Variants in ZDHHC17 observed in about 807,000 individuals in gnomAD.
The protein encoded by ZDHHC17 is palmitoyltransferase ZDHHC17.
Under a neutral mutation model 90.3 loss-of-function variants are expected in ZDHHC17, and 40 were observed. The observed-to-expected ratio is 0.44, with a 90% CI of 0.34 to 0.58. The LOEUF is 0.58. ZDHHC17 is among the 20% of genes least tolerant of loss of function. ZDHHC17 has a pLI of 0.01. For missense variants in ZDHHC17, 614 were observed against 780.8 expected (o/e 0.79, Z 2.55); for synonymous variants, 235 against 252.4 (o/e 0.93, Z 0.65).
Position 76,769,257 on chromosome 12 carries a change from A to G in ZDHHC17, c.93+4928A>G, listed in dbSNP as rs12371945. 134 of 167,390 alleles carry G rather than the reference A, an allele frequency of 8.0e-4. 1 individual carries two copies. Among genetic ancestry groups the G allele is most frequent in the Non-Finnish European group, 1.5e-3 (112 of 76,216 alleles). 10.4% of individuals were successfully genotyped at this position (167,390 alleles called of 1,614,324 possible). A position where few individuals can be genotyped will look rare whatever the true frequency, so the allele number is the denominator to read the frequency against. On this transcript the variant is annotated intron_variant, in intron 1 of 16. Transcript: ENST00000426126. ...GTATTTCTAGTAGAGATGGGGTTTC[A>G]CCATGTTGGCCAGGCTGGTCTGGAA...
intron 5 of ZDHHC17, chr12:76,813,595 G>T (rs1170406844): frequency 8.1e-6 from 2 of 246,982 alleles, no homozygotes; most frequent in Non-Finnish European, 1.6e-5. Context: ...GAGAACTGAT[G>T]CATAGAGATA....
chr12:76,849,123 A>T (rs1335947845), intron 15 of ZDHHC17, among the ~76,000 whole-genome samples: 5 of 146,866 alleles, frequency 3.4e-5, no homozygotes, highest in African/African-American at 1.2e-4. Flanking sequence ...ATCTCTAAAA[A>T]AAAAAAAAAA....
intron 1 of ZDHHC17, among the ~76,000 whole-genome samples, chr12:76,775,579 T>G (rs1389646907): frequency 1.3e-5 from 2 of 152,168 alleles, no homozygotes; most frequent in Non-Finnish European, 2.9e-5. Flanking sequence ...TTAGTAGAAG[T>G]AAAAATTTGA....
At chr12:76,776,219 A>G (rs572815234) in intron 1 of ZDHHC17, among the ~76,000 whole-genome samples, 5 of 152,304 alleles carry the variant, frequency 3.3e-5, no homozygotes, top group Admixed American at 2.0e-4. Flanking sequence ...GATTTATTCT[A>G]TACTGTTGAA....
At chr12:76,801,166 G>A (rs572070895) in intron 2 of ZDHHC17, among the ~76,000 whole-genome samples, 29 of 150,864 alleles carry the variant, frequency 1.9e-4, no homozygotes, top group African/African-American at 6.3e-4. Context: ...GATTACAGGC[G>A]AGAGCCACCG....
At chr12:76,778,383 C>A (rs554232928) in intron 1 of ZDHHC17, among the ~76,000 whole-genome samples, 1 of 152,102 alleles carries the variant, frequency 6.6e-6, no homozygotes, top group Non-Finnish European at 1.5e-5. Flanking sequence ...CCACACCCAG[C>A]GAATTTTTTT....
chr12:76,822,813 C>T (rs527986674), intron 8 of ZDHHC17, among the ~76,000 whole-genome samples: 8 of 152,128 alleles, frequency 5.3e-5, no homozygotes, highest in African/African-American at 1.9e-4. Context: ...GATACTCCCA[C>T]CTCGGCCTCC....
chr12:76,788,635 T>C (rs1446809508), intron 1 of ZDHHC17, among the ~76,000 whole-genome samples: 1 of 148,702 alleles, frequency 6.7e-6, no homozygotes. Context: ...TATGAACAGG[T>C]AATTCCCAAA....
chr12:76,768,812 CAG>C (rs1443357674), intron 1 of ZDHHC17, among the ~76,000 whole-genome samples: 1 of 152,188 alleles, frequency 6.6e-6, no homozygotes, highest in East Asian at 1.9e-4. Flanking sequence ...CCATCTGACT[CAG>C]AGCTTTGAAC....
intron 1 of ZDHHC17, among the ~76,000 whole-genome samples, chr12:76,769,696 A>G (rs1306120788): frequency 6.6e-6 from 1 of 152,204 alleles, no homozygotes; most frequent in Non-Finnish European, 1.5e-5. Flanking sequence ...AGTAACTACT[A>G]TGCTTAGTAT....
intron 1 of ZDHHC17, among the ~76,000 whole-genome samples, chr12:76,765,621 C>G (rs957577443): frequency 6.6e-6 from 1 of 152,204 alleles, no homozygotes; most frequent in African/African-American, 2.4e-5. Flanking sequence ...CAGATGTTGC[C>G]TTGAAAATGT....
rs890713048 is a variant in ZDHHC17, at chr12:76,852,531, C to T, written c.*1546C>T. On this transcript the variant is annotated 3_prime_UTR_variant, in exon 17 of 17. Coordinates refer to ENST00000426126, the MANE Select transcript of ZDHHC17 (RefSeq NM_015336.4). Reference sequence around the variant, plus strand: ...ATAGGCATTATACCCTGCAAGTTCACTGCATGTCTGATGCTTGGTAAAACT... The same window carrying T: ...ATAGGCATTATACCCTGCAAGTTCATTGCATGTCTGATGCTTGGTAAAACT... The T allele has an allele frequency of 6.6e-6, 1 of 152,608 alleles. No homozygotes were observed. The highest frequency in any genetic ancestry group is 1.5e-5 in the Non-Finnish European group (1 of 68,046). 9.5% of individuals were successfully genotyped at this position (152,608 alleles called of 1,614,324 possible).
intron 10 of ZDHHC17, among the ~76,000 whole-genome samples, chr12:76,837,814 A>G (rs1953386813): frequency 6.6e-6 from 1 of 151,756 alleles, no homozygotes; most frequent in Non-Finnish European, 1.5e-5. Context: ...ACTCTTTATT[A>G]TTATCATTAT....
chr12:76,781,983 G>T (rs1355520959), intron 1 of ZDHHC17, among the ~76,000 whole-genome samples: 5 of 152,176 alleles, frequency 3.3e-5, no homozygotes, highest in African/African-American at 9.7e-5. Flanking sequence ...GGAGCCTAAA[G>T]CTAAGGATAG....
chr12:76,813,418 A>T (rs1195627641), intron 5 of ZDHHC17: 9 of 441,842 alleles, frequency 2.0e-5, no homozygotes, highest in South Asian at 1.5e-4. Flanking sequence ...TTTGTAATGG[A>T]TAAGGCATAA....
chr12:76,847,630 G>A (rs1953511001), intron 14 of ZDHHC17, among the ~76,000 whole-genome samples: 1 of 152,178 alleles, frequency 6.6e-6, no homozygotes, highest in Admixed American at 6.5e-5. Flanking sequence ...GAGGCAGGTG[G>A]GCCAGTTGAG....
intron 8 of ZDHHC17, among the ~76,000 whole-genome samples, chr12:76,824,503 G>A (rs1040003871): frequency 2.0e-5 from 3 of 151,954 alleles, no homozygotes; most frequent in Non-Finnish European, 4.4e-5. Context: ...AAAAGTTTCA[G>A]TCATTAACAT....
At chr12:76,802,193 C>T (rs1224724879) in intron 2 of ZDHHC17, among the ~76,000 whole-genome samples, 2 of 152,206 alleles carry the variant, frequency 1.3e-5, no homozygotes, top group Non-Finnish European at 2.9e-5. Context: ...TTCTTCCCCT[C>T]TTTTGAAGGA....
chr12:76,811,612 G>T (rs1290445654), intron 5 of ZDHHC17, among the ~76,000 whole-genome samples: 2 of 148,918 alleles, frequency 1.3e-5, no homozygotes, highest in African/African-American at 4.9e-5. Context: ...CTGAGAAATA[G>T]TTTTTTTTTT....
Sources: gnomAD v4.1 joint callset for allele counts (sites outside exome capture counted in the v4.1 genomes callset) on GRCh38, gnomAD v4.1.1 for gene constraint, MANE v1.5 for transcripts, NCBI Gene and HGNC (gene_info 2026-07-23, HGNC 2026-07-21) for gene names.